CLIC5: variants seen among roughly 807,000 people sequenced by gnomAD.
CLIC5 encodes CLIC family member 5.
In CLIC5, 20 loss-of-function variants were observed where a neutral mutation model predicts 24.7. The ratio of observed to expected loss-of-function variants is 0.81; its 90% CI spans 0.57 to 1.18. The LOEUF (loss-of-function observed/expected upper bound fraction) is 1.18. Ranked by LOEUF, CLIC5 falls within the 50% of genes most tolerant of loss-of-function variation. The pLI is 0.00. For synonymous variants in CLIC5, 159 were observed against 135.6 expected (o/e 1.17, Z -1.20); for missense variants, 341 against 326.1 (o/e 1.05, Z -0.35).
At chr6:45,974,522 T>TATAGAGAGAGAG (rs1339415709) in intron 1 of CLIC5, among the ~76,000 whole-genome samples, 2 of 66,006 alleles carry the variant, frequency 3.0e-5, no homozygotes, top group African/African-American at 1.2e-4. Context: ...TATATATATA[T>TATAGAGAGAGAG]AGAGAGAGAG....
At chr6:46,128,740 G>A in the CLIC5 span, among the ~76,000 whole-genome samples, 1 of 152,158 alleles carries the variant, frequency 6.6e-6, no homozygotes, top group Non-Finnish European at 1.5e-5. Flanking sequence ...GGGTCTGCAG[G>A]TTCTAGGGAT....
chr6:46,052,473 ATAGG>A (rs1206123942), intron 1 of CLIC5, among the ~76,000 whole-genome samples: 5 of 152,240 alleles, frequency 3.3e-5, no homozygotes, highest in African/African-American at 1.2e-4. Flanking sequence ...AAGAGAGAAG[ATAGG>A]TAGGAAAATG....
intron 3 of CLIC5, among the ~76,000 whole-genome samples, chr6:45,946,291 A>T (rs3777582): frequency 0.85 from 129,219 of 152,238 alleles, 55,673 homozygotes; most frequent in Non-Finnish European, 0.92. Context: ...TTCCTTGTCG[A>T]GTGTTCACTA....
intron 1 of CLIC5, among the ~76,000 whole-genome samples, chr6:46,065,980 T>C (rs1762432231): frequency 6.6e-6 from 1 of 152,170 alleles, no homozygotes; most frequent in South Asian, 2.1e-4. Context: ...AATGCATTTG[T>C]GTCAAATAAA....
intron 1 of CLIC5, among the ~76,000 whole-genome samples, chr6:45,983,997 T>C (rs1424678396): frequency 6.6e-6 from 1 of 152,150 alleles, no homozygotes; most frequent in Non-Finnish European, 1.5e-5. Context: ...GTCCAGCACA[T>C]AGTAGGGCCT....
intron 1 of CLIC5, among the ~76,000 whole-genome samples, chr6:46,059,307 C>T (rs999166058): frequency 6.6e-6 from 1 of 152,212 alleles, no homozygotes; most frequent in African/African-American, 2.4e-5. Flanking sequence ...TACGGTTGTA[C>T]ACAAATTAGA....
chr6:46,127,681 C>A, the CLIC5 span, among the ~76,000 whole-genome samples: 1 of 152,048 alleles, frequency 6.6e-6, no homozygotes, highest in South Asian at 2.1e-4. Flanking sequence ...CAACTCATTT[C>A]CATTGAGAAA....
intron 2 of CLIC5, among the ~76,000 whole-genome samples, chr6:45,952,660 C>T (rs1214414818): frequency 2.0e-5 from 3 of 152,110 alleles, no homozygotes; most frequent in East Asian, 1.9e-4. Flanking sequence ...AAGAAAGTTT[C>T]CTTATCTGTA....
chr6:45,958,439 T>TATATACACACACACACAC (rs1554151276), intron 1 of CLIC5, among the ~76,000 whole-genome samples: 201 of 12,392 alleles, frequency 0.016, 15 homozygotes, highest in African/African-American at 0.046. Context: ...TATATATATA[T>TATATACACACACACACAC]ATATATATAT....
chr6:46,071,059 A>G (rs543657855), intron 1 of CLIC5, among the ~76,000 whole-genome samples: 22 of 152,274 alleles, frequency 1.4e-4, no homozygotes, highest in African/African-American at 4.8e-4. Context: ...TCTTTATTTC[A>G]TATACAAAAA....
chr6:45,928,257 A>G (rs1208876957), intron 4 of CLIC5, among the ~76,000 whole-genome samples: 1 of 152,166 alleles, frequency 6.6e-6, no homozygotes, highest in Non-Finnish European at 1.5e-5. Context: ...TTGCAACACT[A>G]GTTGGTAGCA....
intron 1 of CLIC5, among the ~76,000 whole-genome samples, chr6:46,015,279 G>A (rs527828080): frequency 2.0e-5 from 3 of 152,160 alleles, no homozygotes; most frequent in African/African-American, 7.2e-5. Context: ...CCGAGAAGAC[G>A]GCCACCTGCC....
At chr6:46,000,108 C>G (rs1766300653) in intron 1 of CLIC5, among the ~76,000 whole-genome samples, 1 of 152,048 alleles carries the variant, frequency 6.6e-6, no homozygotes, top group South Asian at 2.1e-4. Context: ...TGTAATAATA[C>G]CATATATAAT....
rs570137989 is a variant in CLIC5, at chr6:45,947,622, T to C, written c.299+1634A>G. ...AAGAGGGAAAATGTTAACTGCGTCA[T>C]GAACTTTCCTCTATGGGTCTCCCAG... On this transcript the variant is annotated intron_variant, in intron 3 of 5. Coordinates refer to ENST00000339561, the MANE Select transcript of CLIC5 (RefSeq NM_016929.5). 2.0e-5 allele frequency among the ~76,000 whole-genome samples: 3 copies of C among 152,202 alleles called. No homozygotes were observed. The East Asian group carries it at 5.8e-4, about 29-fold the overall frequency.
intron 1 of CLIC5, among the ~76,000 whole-genome samples, chr6:46,073,716 C>A (rs1394038473): frequency 6.6e-6 from 1 of 152,228 alleles, no homozygotes; most frequent in East Asian, 1.9e-4. Flanking sequence ...TCAACTTCGT[C>A]ATCTGCTCTT....
chr6:46,103,474 C>T, the CLIC5 span, among the ~76,000 whole-genome samples: 40 of 152,266 alleles, frequency 2.6e-4, no homozygotes, highest in South Asian at 8.1e-3. Flanking sequence ...GAGAGTCTTA[C>T]TATCTATTCT....
chr6:45,987,105 A>G (rs753163131), intron 1 of CLIC5, among the ~76,000 whole-genome samples: 3 of 152,196 alleles, frequency 2.0e-5, no homozygotes, highest in Non-Finnish European at 4.4e-5. Context: ...CATGAGTGGC[A>G]CTGTGGACTT....
At chr6:46,112,390 C>T in the CLIC5 span, among the ~76,000 whole-genome samples, 8 of 152,310 alleles carry the variant, frequency 5.3e-5, no homozygotes, top group South Asian at 1.7e-3. Context: ...TTGCTAGCTA[C>T]TCCCATCTTT....
intron 1 of CLIC5, among the ~76,000 whole-genome samples, chr6:45,994,545 C>A (rs1411874896): frequency 6.6e-6 from 1 of 152,116 alleles, no homozygotes; most frequent in Non-Finnish European, 1.5e-5. Context: ...TTGCAGCAAA[C>A]CACCATGGCA....
Sources: allele counts gnomAD v4.1 joint callset (sites outside exome capture counted in the v4.1 genomes callset), GRCh38; gene constraint gnomAD v4.1.1; transcripts MANE v1.5; gene names NCBI Gene and HGNC (gene_info 2026-07-23, HGNC 2026-07-21).